SLA2: variants seen among roughly 807,000 people sequenced by gnomAD.
The protein encoded by SLA2 is src-like-adapter 2.
Under a neutral mutation model 27.3 loss-of-function variants are expected in SLA2, and 22 were observed. The ratio of observed to expected loss-of-function variants is 0.81; its 90% CI spans 0.58 to 1.15. The LOEUF (loss-of-function observed/expected upper bound fraction) is 1.15. SLA2 is among the 50% of genes most tolerant of loss of function. The probability of loss-of-function intolerance (pLI) is 0.00; values close to 1 mark genes in which losing one functional copy is unlikely to be tolerated. For missense variants in SLA2, 304 were observed against 322.2 expected, an observed-to-expected ratio of 0.94 and a Z score of 0.43; for synonymous variants, 131 against 137.8, an observed-to-expected ratio of 0.95 and a Z score of 0.34.
chr20:36,614,799 G>C lies in SLA2; in HGVS notation c.533-362C>G, dbSNP rs554265355. The C allele has an allele frequency of 9.3e-5, 92 of 985,408 alleles. No homozygotes were observed. The South Asian group carries it at 4.0e-3, about 43-fold the overall frequency. The allele number at this position is 985,408 out of a possible 1,614,324, so 61.0% of individuals were successfully genotyped here. A position where few individuals can be genotyped will look rare whatever the true frequency, so the allele number is the denominator to read the frequency against. ...AAACCCCTAATGAGTTTTCACAAGA[G>C]TGCTCTTCCCTCTCTGCCCCCTGAC... On this transcript the variant is annotated intron_variant, in intron 6 of 7. Coordinates refer to ENST00000262866, the MANE Select transcript of SLA2 (RefSeq NM_032214.4).
chr20:36,616,904 G>C (rs1490606232), intron 5 of SLA2, among the ~76,000 whole-genome samples: 1 of 152,018 alleles, frequency 6.6e-6, no homozygotes, highest in African/African-American at 2.4e-5. Flanking sequence ...ACCAAAGTTA[G>C]CTGGGTGTGG....
chr20:36,619,400 C>T (rs1203150389), intron 5 of SLA2, among the ~76,000 whole-genome samples: 1 of 150,924 alleles, frequency 6.6e-6, no homozygotes, highest in African/African-American at 2.4e-5. Flanking sequence ...GTGGCACACG[C>T]CTGTAATCCC....
intron 1 of SLA2, 115 bp from the exon 2 acceptor site, chr20:36,641,493 C>T (rs2039506395): frequency 1.0e-5 from 6 of 578,422 alleles, no homozygotes; most frequent in South Asian, 8.0e-5. Flanking sequence ...AATGACCTCC[C>T]TCCTGTGGGA....
chr20:36,634,512 C>A lies in SLA2; in HGVS notation c.169G>T (p.Glu57Ter). 1 of 1,611,044 alleles carries A rather than the reference C, an allele frequency of 6.2e-7. No homozygotes were observed. Among genetic ancestry groups the A allele is most frequent in the Non-Finnish European group, 8.5e-7 (1 of 1,178,172 alleles). ...TACTCAGAGACGATGGTCAATGGCT[C>A]CCCGAGTCTCAGCGACAGCTCGGCC... ...GPAELSLRLG[E>*]PLTIVSEDGD... The change falls in exon 3 of 8, where the codon GAG (glutamate) becomes TAG (stop). Residue 57 changes from glutamate to a stop codon, truncating the protein, a stop_gained. Coordinates refer to ENST00000262866, the MANE Select transcript of SLA2 (RefSeq NM_032214.4). LOFTEE classifies it high-confidence loss of function.
chr20:36,617,897 C>T (rs35056722), intron 5 of SLA2, among the ~76,000 whole-genome samples: 30,216 of 151,460 alleles, frequency 0.2, 3,918 homozygotes, highest in Middle Eastern at 0.34. Flanking sequence ...CCTGTAATCC[C>T]AGCACTTTGA....
rs1286100121 is a variant in SLA2 at position 36,616,320 on chromosome 20, TATTTTAA to T, written c.383-953_383-947del. ...GTTTCATTTTTTCATTTTTTTTTTTTATTTTAATTTTCTTTTTTTTTTTTTTTGGAGA... is the reference window on the plus strand; with the variant it reads ...GTTTCATTTTTTCATTTTTTTTTTTTTTTTCTTTTTTTTTTTTTTTGGAGA... On this transcript the variant is annotated intron_variant, in intron 5 of 7. Transcript: ENST00000262866. Among the ~76,000 whole-genome samples the T allele has an allele frequency of 2.0e-5, 3 of 151,098 alleles. No homozygotes were observed. The East Asian group carries it at 5.8e-4, about 29-fold the overall frequency.
At chr20:36,639,298 C>G (rs2147996303) in intron 2 of SLA2, among the ~76,000 whole-genome samples, 1 of 152,268 alleles carries the variant, frequency 6.6e-6, no homozygotes, top group South Asian at 2.1e-4. Flanking sequence ...CAACTCAGGA[C>G]TGCAGCATCA....
At chr20:36,636,015 G>C (rs946169796) in intron 2 of SLA2, among the ~76,000 whole-genome samples, 4 of 152,128 alleles carry the variant, frequency 2.6e-5, no homozygotes, top group Non-Finnish European at 5.9e-5. Flanking sequence ...TACGGGTTTA[G>C]CACCTGTCCC....
At chr20:36,627,858 C>A (rs548351255) in intron 5 of SLA2, among the ~76,000 whole-genome samples, 39 of 152,274 alleles carry the variant, frequency 2.6e-4, no homozygotes, top group Non-Finnish European at 4.4e-4. Flanking sequence ...TAGCTCAGGG[C>A]CCCAGGCCTT....
rs2039163379 is a variant in SLA2 at position 36,613,232 on chromosome 20, AAG to A, written c.*632_*633del. The A allele has an allele frequency of 6.6e-6, 1 of 152,478 alleles. No homozygotes were observed. Among genetic ancestry groups the A allele is most frequent in the East Asian group, 1.9e-4 (1 of 5,198 alleles). 9.4% of individuals were successfully genotyped at this position (152,478 alleles called of 1,614,324 possible). On this transcript the variant is annotated 3_prime_UTR_variant, in exon 8 of 8. Coordinates refer to ENST00000262866, the MANE Select transcript of SLA2 (RefSeq NM_032214.4). Reference sequence around the variant, plus strand: ...AAGACTCCGTCTCAAAAAAAAGAAAAAGAGCTGGGGCTGTTGTCCTCAATGGG... The same window carrying A: ...AAGACTCCGTCTCAAAAAAAAGAAAAAGCTGGGGCTGTTGTCCTCAATGGG...
At chr20:36,616,399 C>T (rs937705590) in intron 5 of SLA2, among the ~76,000 whole-genome samples, 4 of 146,678 alleles carry the variant, frequency 2.7e-5, no homozygotes, top group African/African-American at 5.1e-5. Flanking sequence ...GGTGCAATCT[C>T]GGCTCACTGC....
chr20:36,619,763 T>C (rs1258784057), intron 5 of SLA2, among the ~76,000 whole-genome samples: 2 of 148,370 alleles, frequency 1.3e-5, no homozygotes, highest in Non-Finnish European at 3.0e-5. Context: ...CCCAAATAGC[T>C]GGGACTACAG....
chr20:36,633,635 G>A lies in SLA2; in HGVS notation c.192-6C>T, dbSNP rs1341387469. The stretch of plus-strand genomic sequence containing the variant: ...CCGTCCACCAGTCTCCATCCCTGGA[G>A]AGAGAAAGGAGTGGGGGCACCTCTT... On this transcript the variant is annotated splice_polypyrimidine_tract_variant and splice_region_variant and intron_variant, in intron 3 of 7. Transcript: ENST00000262866. The A allele has an allele frequency of 5.6e-6, 9 of 1,612,164 alleles. No individual in the cohort carries two copies. Among genetic ancestry groups the A allele is most frequent in the Non-Finnish European group, 7.6e-6 (9 of 1,178,344 alleles).
At chr20:36,624,571 A>C (rs6101495) in intron 5 of SLA2, among the ~76,000 whole-genome samples, 3,991 of 152,290 alleles carry the variant, frequency 0.026, 182 homozygotes, top group African/African-American at 0.091. Context: ...GTCAGCACAC[A>C]GTATCTATTT....
intron 1 of SLA2, among the ~76,000 whole-genome samples, chr20:36,642,704 G>A (rs936582372): frequency 2.6e-5 from 4 of 152,128 alleles, no homozygotes; most frequent in African/African-American, 9.7e-5. Context: ...TCCTGCCTCA[G>A]CCTCCCGAGT....
At chr20:36,630,339 CAAAG>C (rs1423317454) in intron 5 of SLA2, among the ~76,000 whole-genome samples, 2 of 152,152 alleles carry the variant, frequency 1.3e-5, no homozygotes, top group Admixed American at 6.5e-5. Context: ...AGAGGAGAGA[CAAAG>C]AAGCTGGAAA....
At chr20:36,630,509 G>A (rs997081578) in intron 5 of SLA2, among the ~76,000 whole-genome samples, 4 of 152,166 alleles carry the variant, frequency 2.6e-5, no homozygotes, top group African/African-American at 9.7e-5. Flanking sequence ...ACTGCCCCAC[G>A]TGGGCCTTTC....
At position 36,632,769 on chromosome 20, in the gene SLA2, C is replaced by T; in HGVS notation, c.279-71G>A. 4.8e-6 allele frequency: 6 copies of T among 1,242,118 alleles called. No homozygotes were observed. In the South Asian group the frequency reaches 7.6e-5, roughly 16 times the overall value. 76.9% of individuals were successfully genotyped at this position (1,242,118 alleles called of 1,614,324 possible). On this transcript the variant is annotated intron_variant, in intron 4 of 7. Coordinates refer to ENST00000262866, the MANE Select transcript of SLA2 (RefSeq NM_032214.4). ...GAAGAGGGAAGCCAAGATTTTACCA[C>T]CACCGCTGAGTGACCCTCACAAGGC...
chr20:36,619,798 T>A (rs1320358471), intron 5 of SLA2, among the ~76,000 whole-genome samples: 2 of 1,814 alleles, frequency 1.1e-3, no homozygotes, highest in Non-Finnish European at 2.7e-3. Flanking sequence ...ACGTGGCTAT[T>A]TTTTTTTGTA....
Sources: gnomAD v4.1 joint callset for allele counts (sites outside exome capture counted in the v4.1 genomes callset) on GRCh38, gnomAD v4.1.1 for gene constraint, MANE v1.5 for transcripts, NCBI Gene and HGNC (gene_info 2026-07-23, HGNC 2026-07-21) for gene names.